Variants in SLC4A11 observed in about 807,000 individuals in gnomAD.
SLC4A11 encodes the protein solute carrier family 4 member 11.
SLC4A11 carries 74 observed loss-of-function variants against 95.0 expected under a neutral mutation model. That is an observed-to-expected ratio of 0.78 (90% CI 0.65 to 0.95). The LOEUF is 0.95. Ranked by LOEUF, SLC4A11 falls within the 40% of genes least tolerant of loss-of-function variation. SLC4A11 has a pLI of 0.00. For missense variants in SLC4A11, 1,081 were observed against 1,192.4 expected, an observed-to-expected ratio of 0.91 and a Z score of 1.38; for synonymous variants, 548 against 519.0, an observed-to-expected ratio of 1.06 and a Z score of -0.76.
intron 7 of SLC4A11, among the ~76,000 whole-genome samples, chr20:3,232,353 G>A (rs371008235): frequency 9.2e-5 from 14 of 152,350 alleles, no homozygotes; most frequent in African/African-American, 2.4e-4. Flanking sequence ...GTGTCTGCCC[G>A]TCTGTTGCTC....
chr20:3,229,063 C>CCCCCCCCCCCCCCCCCCCCCCCCCCCCCA, intron 16 of SLC4A11, 32 bp downstream of exon 16: 1 of 781,078 alleles, frequency 1.3e-6, no homozygotes, highest in Non-Finnish European at 2.0e-6. Flanking sequence ...GGCCCGGGCC[C>CCCCCCCCCCCCCCCCCCCCCCCCCCCCCA]CGCCCACCCC....
chr20:3,230,027 T>TCTGC (rs2122531902), intron 13 of SLC4A11, among the ~76,000 whole-genome samples, 160 bp downstream of exon 13: 1 of 152,254 alleles, frequency 6.6e-6, no homozygotes, highest in African/African-American at 2.4e-5. Flanking sequence ...CGTGGAGGGC[T>TCTGC]CTGCCCTCTG....
chr20:3,236,848 T>C (rs2067997538), intron 2 of SLC4A11, among the ~76,000 whole-genome samples: 1 of 151,946 alleles, frequency 6.6e-6, no homozygotes, highest in Admixed American at 6.6e-5. Context: ...TCAGGTCCCC[T>C]AGATTAAGGA....
At position 3,228,538 on chromosome 20, in the gene SLC4A11, G is replaced by A. The variant is rs754052581; in HGVS notation, c.2362C>T (p.Arg788Cys). Residue 788 changes from arginine to cysteine, a missense_variant, in exon 18 of 20, where the codon CGC becomes TGC. Transcript: ENST00000642402. ...TSLDGNQLVQ[R>C]VALLLKEQTA... The stretch of plus-strand genomic sequence containing the variant: ...TGCTCCTTGAGCAGCAGGGCCACGC[G>A]CTGGACGAGCTGGTTGCCATCGAGG... 7 of 1,613,124 alleles carry A rather than the reference G, an allele frequency of 4.3e-6. No individual in the cohort carries two copies. The highest frequency in any genetic ancestry group is 4.5e-5 in the East Asian group (2 of 44,862).
chr20:3,228,319 C>G lies in SLC4A11; in HGVS notation c.2498G>C (p.Ser833Thr). 6.2e-7 allele frequency: 1 copy of G among 1,613,220 alleles called. No individual in the cohort carries two copies. The highest frequency in any genetic ancestry group is 8.5e-7 in the Non-Finnish European group (1 of 1,179,970). ...GATCATCTTCATGTAGGGCAGGGAGCTCATGCCGAAGGCACACAGCAGCAG... is the reference window on the plus strand; with the variant it reads ...GATCATCTTCATGTAGGGCAGGGAGGTCATGCCGAAGGCACACAGCAGCAG... ...QLLLLCAFGM[S>T]SLPYMKMIFP... The change falls in exon 19 of 20, where the codon AGC (serine) becomes ACC (threonine). Residue 833 changes from serine (S) to threonine (T), a missense_variant. Ser to Thr is a moderately conservative substitution (Grantham distance 58). Coordinates refer to ENST00000642402, the MANE Select transcript of SLC4A11 (RefSeq NM_001174089.2).
In SLC4A11 at chr20:3,228,999, G is replaced by A. The variant is rs1336060960; in HGVS notation, c.2031C>T (p.Gly677=). 4 of 1,613,230 alleles carry A rather than the reference G, an allele frequency of 2.5e-6. No homozygotes were observed. The highest frequency in any genetic ancestry group is 3.4e-6 in the Non-Finnish European group (4 of 1,179,990). ...VNAPENRLVK[G]TAYHWDLLLL... is the part of the protein sequence containing the mutation. ...GCAGGAGGTCCCAGTGGTAGGCAGTGCCCTTCACCAGCCTGCAGCAGACGG... is the reference window on the plus strand; with the variant it reads ...GCAGGAGGTCCCAGTGGTAGGCAGTACCCTTCACCAGCCTGCAGCAGACGG... The change falls in exon 17 of 20, where the codon GGC becomes GGT. Residue 677 remains glycine, a synonymous_variant. Coordinates refer to ENST00000642402, the MANE Select transcript of SLC4A11 (RefSeq NM_001174089.2).
intron 2 of SLC4A11, 34 bp downstream of exon 2, chr20:3,237,510 C>G: frequency 6.2e-7 from 1 of 1,610,654 alleles, no homozygotes; most frequent in Non-Finnish European, 8.5e-7. Flanking sequence ...GACAAGCTCT[C>G]TCTGCACACA....
chr20:3,237,505 GCT>G (rs755295985), intron 2 of SLC4A11, 37 bp downstream of exon 2: 20 of 1,605,742 alleles, frequency 1.2e-5, no homozygotes, highest in Admixed American at 1.0e-4. Context: ...TGCCCGACAA[GCT>G]CTCTCTGCAC....
At position 3,228,335 on chromosome 20, in the gene SLC4A11, ACAG is replaced by A. The variant is rs1268737911; in HGVS notation, c.2479_2481del (p.Leu827del). ...GGCAGGGAGCTCATGCCGAAGGCAC[ACAG>A]CAGCAGCAGCTGAAGCACCTGCAGG... On this transcript the variant is annotated inframe_deletion, in exon 19 of 20. Transcript: ENST00000642402. 8.7e-6 allele frequency: 14 copies of A among 1,613,072 alleles called. No individual in the cohort carries two copies. Among genetic ancestry groups the A allele is most frequent in the Non-Finnish European group, 1.1e-5 (13 of 1,179,960 alleles).
At position 3,234,343 on chromosome 20, in the gene SLC4A11, C is replaced by T. The variant is rs762511814; in HGVS notation, c.292-29G>A. The T allele has an allele frequency of 7.5e-6, 12 of 1,600,080 alleles. No homozygotes were observed. In the East Asian group the frequency reaches 1.1e-4, roughly 15 times the overall value. On this transcript the variant is annotated intron_variant, in intron 4 of 19. Transcript: ENST00000642402. The surrounding 1 kb of genome is among the most constrained non-coding windows in gnomAD (Gnocchi z 5.8). ...AGGGGACCCCAGGGACAGAACCACA[C>T]GGGCCCATGTATGAGATGCTGTCAC...
Position 3,234,850 on chromosome 20 carries a change from C to T in SLC4A11, c.133G>A (p.Glu45Lys). 6.2e-7 allele frequency: 1 copy of T among 1,614,076 alleles called. No individual in the cohort carries two copies. Among genetic ancestry groups the T allele is most frequent in the South Asian group, 1.1e-5 (1 of 91,082 alleles). The change falls in exon 3 of 20, where the codon GAG (glutamate) becomes AAG (lysine). Residue 45 changes from glutamate to lysine, a missense_variant. By Grantham distance (56) the Glu-to-Lys change is moderately conservative. Coordinates refer to ENST00000642402, the MANE Select transcript of SLC4A11 (RefSeq NM_001174089.2). This position sits in a 1 kb window ranked among gnomAD's most constrained non-coding sequence, Gnocchi z 5.8. ...DTDDTFEAREEILGDEAFDTA... is the reference protein window; with the variant it reads ...DTDDTFEAREKILGDEAFDTA... ...TCGAAGGCCTCATCCCCCAGGATCTCCTCTCGGGCTTCGAAGGTGTCATCT... is the reference window on the plus strand; with the variant it reads ...TCGAAGGCCTCATCCCCCAGGATCTTCTCTCGGGCTTCGAAGGTGTCATCT...
intron 1 of SLC4A11, chr20:3,238,515 G>T (rs377089394): frequency 1.0e-6 from 1 of 993,998 alleles, no homozygotes; most frequent in African/African-American, 1.8e-5. Context: ...TTCCGTCCCG[G>T]CGGCCCACGT....
chr20:3,238,390 C>T (rs2122661240), intron 1 of SLC4A11: 1 of 984,912 alleles, frequency 1.0e-6, no homozygotes, highest in Non-Finnish European at 1.2e-6. Context: ...GATGTGAATG[C>T]AGGCGCGGGG....
rs1273251248 is a variant in SLC4A11 at position 3,229,545 on chromosome 20, G to T, written c.1721C>A (p.Thr574Asn). Residue 574 changes from threonine (T) to asparagine (N), a missense_variant, in exon 14 of 20, where the codon ACC becomes AAC. By Grantham distance (65) the Thr-to-Asn change is moderately conservative (BLOSUM62 0). Transcript: ENST00000642402. ...IMLGTLWLGY[T>N]LYQFKKSPYL... Reference sequence around the variant, plus strand: ...TCACCTCTTCTTGAATTGGTAGAGGGTGTAGCCCAGCCAGAGCGTGCCCAG... The same window carrying T: ...TCACCTCTTCTTGAATTGGTAGAGGTTGTAGCCCAGCCAGAGCGTGCCCAG... 4 of 1,612,838 alleles carry T rather than the reference G, an allele frequency of 2.5e-6. No homozygotes were observed. The highest frequency in any genetic ancestry group is 3.3e-5 in the Admixed American group (2 of 60,028).
In SLC4A11 at chr20:3,231,484, A is replaced by G; in HGVS notation, c.794T>C (p.Phe265Ser). 1 of 1,613,980 alleles carries G rather than the reference A, an allele frequency of 6.2e-7. No homozygotes were observed. The highest frequency in any genetic ancestry group is 8.5e-7 in the Non-Finnish European group (1 of 1,180,008). The stretch of plus-strand genomic sequence containing the variant: ...GCGGGTCTCCAGGAGCTTCTGGCGG[A>G]AGGCGATATCCGAGAACATGGTGGC... The part of the protein sequence containing the change: ...TFATMFSDIA[F>S]RQKLLETRTE... The change falls in exon 8 of 20, where the codon TTC becomes TCC. Residue 265 changes from phenylalanine (F) to serine (S), a missense_variant. This residue lies in a region of SLC4A11 where 767 missense variants were observed against 858.0 expected (regional missense o/e 0.89). Coordinates refer to ENST00000642402, the MANE Select transcript of SLC4A11 (RefSeq NM_001174089.2). The surrounding 1 kb of genome is among the most constrained non-coding windows in gnomAD (Gnocchi z 5.2).
At chr20:3,238,291 C>A in intron 1 of SLC4A11, 2 of 1,237,090 alleles carry the variant, frequency 1.6e-6, no homozygotes, top group Non-Finnish European at 2.0e-6. Context: ...GTTTGTGCCT[C>A]GCTGTCGGAG....
At chr20:3,237,136 GGAAGGTGCCC>G (rs2068006600) in intron 2 of SLC4A11, among the ~76,000 whole-genome samples, 1 of 152,200 alleles carries the variant, frequency 6.6e-6, no homozygotes, top group East Asian at 1.9e-4. Context: ...AGGGACAGCA[GGAAGGTGCCC>G]GAGGGACTGC....
rs993292979 is a variant in SLC4A11 at position 3,239,111 on chromosome 20, G to C, written c.27C>G (p.Phe9Leu). 8 of 1,477,518 alleles carry C rather than the reference G, an allele frequency of 5.4e-6. No homozygotes were observed. The Admixed American group carries it at 6.8e-5, about 13-fold the overall frequency. 91.5% of individuals were successfully genotyped at this position (1,477,518 alleles called of 1,614,324 possible). A position where few individuals can be genotyped will look rare whatever the true frequency, so the allele number is the denominator to read the frequency against. MAAATRRV[F>L]HLQPCENSPT... is the part of the protein sequence containing the mutation. ...GGCACCCACCGCACGGCTGCAGATG[G>C]AACACGCGCCTGGTGGCCGCGGCCA... Residue 9 changes from phenylalanine (F) to leucine (L), a missense_variant, in exon 1 of 20, where the codon TTC becomes TTG. This residue lies in a region of SLC4A11 where 310 missense variants were observed against 313.5 expected (regional missense o/e 0.99). Coordinates refer to ENST00000642402, the MANE Select transcript of SLC4A11 (RefSeq NM_001174089.2).
At chr20:3,232,575 T>C (rs936980859) in intron 7 of SLC4A11, among the ~76,000 whole-genome samples, 1 of 152,214 alleles carries the variant, frequency 6.6e-6, no homozygotes, top group Non-Finnish European at 1.5e-5. Flanking sequence ...TAGTTTTTGG[T>C]GGTGGCGGGT....
Sources: allele counts gnomAD v4.1 joint callset (sites outside exome capture counted in the v4.1 genomes callset), GRCh38; gene constraint gnomAD v4.1.1; regional missense constraint gnomAD v4.1.1; non-coding constraint Gnocchi (gnomAD v3.1); transcripts MANE v1.5; gene names NCBI Gene and HGNC (gene_info 2026-07-23, HGNC 2026-07-21).